The following ATXN10 variants were observed in gnomAD, a reference collection of about 807,000 sequenced individuals.
ATXN10 encodes ataxin-10.
In ATXN10, 28 loss-of-function variants were observed where a neutral mutation model predicts 52.9. The observed-to-expected ratio is 0.53, with a 90% CI of 0.39 to 0.73. The LOEUF is 0.73. Ranked by LOEUF, ATXN10 falls within the 30% of genes least tolerant of loss-of-function variation. ATXN10 has a pLI of 0.00. For missense variants in ATXN10, 565 were observed against 577.0 expected (o/e 0.98, Z 0.21); for synonymous variants, 226 against 221.5 (o/e 1.02, Z -0.18).
intron 3 of ATXN10, among the ~76,000 whole-genome samples, chr22:45,699,578 C>T (rs1923758568): frequency 6.7e-6 from 1 of 149,472 alleles, no homozygotes; most frequent in Non-Finnish European, 1.5e-5. Flanking sequence ...GGAACCTCCA[C>T]CTCCTGGGTT....
chr22:45,749,183 C>G (rs1038503399), intron 9 of ATXN10, among the ~76,000 whole-genome samples: 6 of 152,150 alleles, frequency 3.9e-5, no homozygotes, highest in Non-Finnish European at 5.9e-5. Context: ...AGGCTTTAAG[C>G]GTGAAGGCAG....
At position 45,734,318 on chromosome 22, in the gene ATXN10, A is replaced by G. The variant is rs145803847; in HGVS notation, c.895-4413A>G. The G allele has an allele frequency of 5.2e-4, 99 of 191,716 alleles. No homozygotes were observed. In the East Asian group the frequency reaches 0.013, roughly 25 times the overall value. 11.9% of individuals were successfully genotyped at this position (191,716 alleles called of 1,614,324 possible). A position where few individuals can be genotyped will look rare whatever the true frequency, so the allele number is the denominator to read the frequency against. ...TTCTCGTTAATGTTTTTCAGTGACCATTATGTTTGTTTTTGCATATTAGGT... is the reference window on the plus strand; with the variant it reads ...TTCTCGTTAATGTTTTTCAGTGACCGTTATGTTTGTTTTTGCATATTAGGT... On this transcript the variant is annotated intron_variant, in intron 7 of 11. Transcript: ENST00000252934.
intron 6 of ATXN10, among the ~76,000 whole-genome samples, chr22:45,725,268 G>T (rs1448643647): frequency 6.6e-6 from 1 of 151,966 alleles, no homozygotes; most frequent in Non-Finnish European, 1.5e-5. Context: ...TAATAGTATT[G>T]ATTCTTCTAA....
intron 9 of ATXN10, among the ~76,000 whole-genome samples, chr22:45,791,330 T>C (rs1179153153): frequency 6.6e-6 from 1 of 152,220 alleles, no homozygotes; most frequent in African/African-American, 2.4e-5. Flanking sequence ...AGTATTTTAT[T>C]GAATTTATTT....
chr22:45,740,854 A>G lies in ATXN10; in HGVS notation c.1173+316A>G, dbSNP rs186679642. ...TAATAAACACTAGTTATTATTGCCT[A>G]TTATCTTAAAAAACAAAGCTTAGAT... On this transcript the variant is annotated intron_variant, in intron 9 of 11. Coordinates refer to ENST00000252934, the MANE Select transcript of ATXN10 (RefSeq NM_013236.4). 47 of 166,532 alleles carry G rather than the reference A, an allele frequency of 2.8e-4. No individual in the cohort carries two copies. In the South Asian group the frequency reaches 6.7e-3, roughly 24 times the overall value. The allele number at this position is 166,532 out of a possible 1,614,324, so 10.3% of individuals were successfully genotyped here. A position where few individuals can be genotyped will look rare whatever the true frequency, so the allele number is the denominator to read the frequency against.
chr22:45,775,891 T>A lies in ATXN10; in HGVS notation c.1174-31068T>A, dbSNP rs1460573531. ...GGTAACATTAACATCCGTTTGCTGG[T>A]GTTTGAAACCTGGAGCTCCCGGAGA... On this transcript the variant is annotated intron_variant, in intron 9 of 11. Coordinates refer to ENST00000252934, the MANE Select transcript of ATXN10 (RefSeq NM_013236.4). The surrounding 1 kb of genome is among the most constrained non-coding windows in gnomAD (Gnocchi z 4.7). Among the ~76,000 whole-genome samples, 1 of 152,150 alleles carries A rather than the reference T, an allele frequency of 6.6e-6. No individual in the cohort carries two copies. Among genetic ancestry groups the A allele is most frequent in the Admixed American group, 6.5e-5 (1 of 15,274 alleles).
At chr22:45,753,682 C>G (rs1353797339) in intron 9 of ATXN10, among the ~76,000 whole-genome samples, 2 of 152,060 alleles carry the variant, frequency 1.3e-5, no homozygotes, top group Non-Finnish European at 2.9e-5. Context: ...GCTGGGATTA[C>G]AGGTGTGAGC....
rs1297139507 is a variant in ATXN10 at position 45,819,678 on chromosome 22, T to C, written c.1237+12656T>C. 6.6e-6 allele frequency among the ~76,000 whole-genome samples: 1 copy of C among 152,216 alleles called. No homozygotes were observed. The highest frequency in any genetic ancestry group is 1.5e-5 in the Non-Finnish European group (1 of 68,036). Reference sequence around the variant, plus strand: ...TGCATGAAGTGCTGAGATGAGTTCTTGGCCTGTGGTCTGTGCTTGTATACA... The same window carrying C: ...TGCATGAAGTGCTGAGATGAGTTCTCGGCCTGTGGTCTGTGCTTGTATACA... On this transcript the variant is annotated intron_variant, in intron 10 of 11. Coordinates refer to ENST00000252934, the MANE Select transcript of ATXN10 (RefSeq NM_013236.4). This position sits in a 1 kb window ranked among gnomAD's most constrained non-coding sequence, Gnocchi z 4.5.
intron 7 of ATXN10, among the ~76,000 whole-genome samples, chr22:45,730,782 A>G (rs866787207): frequency 6.6e-6 from 1 of 152,204 alleles, no homozygotes. Flanking sequence ...ACTGTAGTAC[A>G]TGCCTTTATA....
At chr22:45,713,279 T>G (rs1464300836) in intron 5 of ATXN10, among the ~76,000 whole-genome samples, 1 of 152,132 alleles carries the variant, frequency 6.6e-6, no homozygotes, top group African/African-American at 2.4e-5. Flanking sequence ...TACTTTAAAA[T>G]CAATCATAAA....
rs920800630 is a variant in ATXN10, at chr22:45,762,510, G to A, written c.1173+21972G>A. Among the ~76,000 whole-genome samples the A allele has an allele frequency of 1.3e-5, 2 of 152,306 alleles. No homozygotes were observed. Among genetic ancestry groups the A allele is most frequent in the African/African-American group, 2.4e-5 (1 of 41,576 alleles). On this transcript the variant is annotated intron_variant, in intron 9 of 11. Transcript: ENST00000252934. The surrounding 1 kb of genome is among the most constrained non-coding windows in gnomAD (Gnocchi z 4.3). The stretch of plus-strand genomic sequence containing the variant: ...CCGAACCTGTGTCTGCACACCTGTT[G>A]TGTCTTCCTGGGAGGCTCCCAGGCA...
At chr22:45,674,792 A>G (rs1055609404) in intron 1 of ATXN10, 8 of 152,248 alleles carry the variant, frequency 5.3e-5, no homozygotes, top group Admixed American at 1.3e-4. Context: ...GGTGGAATAC[A>G]TTATTTCTCT....
chr22:45,796,901 A>G (rs746574612), intron 9 of ATXN10, among the ~76,000 whole-genome samples: 1 of 152,216 alleles, frequency 6.6e-6, no homozygotes, highest in Non-Finnish European at 1.5e-5. Context: ...ATGATATACC[A>G]TGTAAACACT....
chr22:45,776,263 T>C (rs1926951277), intron 9 of ATXN10, among the ~76,000 whole-genome samples: 1 of 152,218 alleles, frequency 6.6e-6, no homozygotes, highest in Non-Finnish European at 1.5e-5. Context: ...CACCCACTTG[T>C]TGCTTTGTTA....
At chr22:45,735,435 A>G (rs1307019809) in intron 7 of ATXN10, among the ~76,000 whole-genome samples, 1 of 151,796 alleles carries the variant, frequency 6.6e-6, no homozygotes, top group Non-Finnish European at 1.5e-5. Context: ...AAATTCTTTT[A>G]TTTATTTGGA....
chr22:45,717,142 T>C (rs762070799), intron 5 of ATXN10, among the ~76,000 whole-genome samples: 15 of 152,154 alleles, frequency 9.9e-5, no homozygotes, highest in Admixed American at 2.6e-4. Flanking sequence ...ATACCTCCTC[T>C]AGCCTGTTTG....
rs1399992495 is a variant in ATXN10, at chr22:45,835,070, A to G, written c.1238-7921A>G. 2.6e-5 allele frequency among the ~76,000 whole-genome samples: 4 copies of G among 152,174 alleles called. No homozygotes were observed. The highest frequency in any genetic ancestry group is 9.7e-5 in the African/African-American group (4 of 41,434). On this transcript the variant is annotated intron_variant, in intron 10 of 11. Transcript: ENST00000252934. The surrounding 1 kb of genome is among the most constrained non-coding windows in gnomAD (Gnocchi z 5.0). ...ATGATTCCAGAGCATGTCATGTACA[A>G]AATTAGTTTCATTGCCACAGGATCC...
chr22:45,702,280 A>G (rs1235239832), intron 4 of ATXN10, among the ~76,000 whole-genome samples: 1 of 152,200 alleles, frequency 6.6e-6, no homozygotes, highest in Non-Finnish European at 1.5e-5. Flanking sequence ...TTCTTGCCCC[A>G]CTATACCATC....
At chr22:45,731,286 T>C (rs1925079480) in intron 7 of ATXN10, among the ~76,000 whole-genome samples, 1 of 152,192 alleles carries the variant, frequency 6.6e-6, no homozygotes, top group African/African-American at 2.4e-5. Flanking sequence ...GCAGGCCAGA[T>C]ATATCGGTCA....
Sources: gnomAD v4.1 joint callset for allele counts (sites outside exome capture counted in the v4.1 genomes callset) on GRCh38, gnomAD v4.1.1 for gene constraint, Gnocchi (gnomAD v3.1) non-coding constraint, MANE v1.5 for transcripts, NCBI Gene and HGNC (gene_info 2026-07-23, HGNC 2026-07-21) for gene names.